CLMP: variants seen among roughly 807,000 people sequenced by gnomAD.
CLMP encodes CXADR like cell adhesion molecule, also known as CXADR-like membrane protein.
CLMP carries 27 observed loss-of-function variants against 45.2 expected under a neutral mutation model. The ratio of observed to expected loss-of-function variants is 0.60; its 90% CI spans 0.44 to 0.82. CLMP has a LOEUF of 0.82. Among genes scored for constraint, CLMP ranks in the 40% least tolerant of loss-of-function variants. The pLI, the probability that CLMP is intolerant of heterozygous loss-of-function variation, is 0.00. For missense variants in CLMP, 403 were observed against 448.4 expected, an observed-to-expected ratio of 0.90 and a Z score of 0.91; for synonymous variants, 167 against 171.4, an observed-to-expected ratio of 0.97 and a Z score of 0.20.
chr11:123,173,761 C>T (rs1170716126), intron 1 of CLMP, among the ~76,000 whole-genome samples: 2 of 152,032 alleles, frequency 1.3e-5, no homozygotes, highest in African/African-American at 2.4e-5. Context: ...TCCAGGATGC[C>T]GCACTCCTTC....
chr11:123,138,082 T>C (rs796136637), intron 1 of CLMP, among the ~76,000 whole-genome samples: 8 of 152,214 alleles, frequency 5.3e-5, no homozygotes, highest in African/African-American at 1.7e-4. Context: ...GCAGAAGCTC[T>C]GTCCTGGGCT....
intron 1 of CLMP, among the ~76,000 whole-genome samples, chr11:123,108,103 C>T (rs559184119): frequency 1.3e-4 from 20 of 152,196 alleles, no homozygotes; most frequent in African/African-American, 4.6e-4. Flanking sequence ...ACCACCTGTC[C>T]TCTCCGATCA....
chr11:123,118,933 C>CT (rs199537177), intron 1 of CLMP, among the ~76,000 whole-genome samples: 2,665 of 16,728 alleles, frequency 0.16, 51 homozygotes, highest in Non-Finnish European at 0.17. Context: ...CTTTTCTTTT[C>CT]TTTCTTTCTT....
At chr11:123,131,816 A>T (rs1039140023) in intron 1 of CLMP, among the ~76,000 whole-genome samples, 3 of 151,936 alleles carry the variant, frequency 2.0e-5, no homozygotes, top group African/African-American at 7.3e-5. Context: ...TGGTTTCACC[A>T]TGTTGGCCAG....
At chr11:123,093,094 G>C (rs1865952569) in intron 2 of CLMP, among the ~76,000 whole-genome samples, 1 of 151,578 alleles carries the variant, frequency 6.6e-6, no homozygotes, top group African/African-American at 2.4e-5. Flanking sequence ...TTTTAGTAGA[G>C]ACGGGGTTTC....
At chr11:123,194,872 C>T (rs1476945715) in intron 1 of CLMP, 41 bp downstream of exon 1, 1 of 1,612,142 alleles carries the variant, frequency 6.2e-7, no homozygotes, top group Non-Finnish European at 8.5e-7. Flanking sequence ...GCTGCGTTTG[C>T]CCACGGCCAT....
intron 1 of CLMP, among the ~76,000 whole-genome samples, chr11:123,148,941 T>C (rs1467921611): frequency 6.6e-6 from 1 of 152,220 alleles, no homozygotes; most frequent in African/African-American, 2.4e-5. Flanking sequence ...ATGCTACCTC[T>C]ACCGTGTCAT....
intron 1 of CLMP, among the ~76,000 whole-genome samples, chr11:123,111,624 G>A (rs1229224600): frequency 3.3e-5 from 5 of 152,128 alleles, no homozygotes; most frequent in African/African-American, 1.2e-4. Context: ...TCACCTTTAA[G>A]GTAGTTATTC....
At chr11:123,161,803 G>T (rs79538794) in intron 1 of CLMP, among the ~76,000 whole-genome samples, 1 of 152,196 alleles carries the variant, frequency 6.6e-6, no homozygotes, top group Non-Finnish European at 1.5e-5. Flanking sequence ...ATCTGGTCAC[G>T]TATTACACAT....
At chr11:123,111,772 T>C (rs906482907) in intron 1 of CLMP, among the ~76,000 whole-genome samples, 2 of 152,110 alleles carry the variant, frequency 1.3e-5, no homozygotes, top group Non-Finnish European at 2.9e-5. Flanking sequence ...ATGGAAAAAA[T>C]GAAAATCTTA....
chr11:123,111,654 T>C (rs1359873933), intron 1 of CLMP, among the ~76,000 whole-genome samples: 4 of 152,208 alleles, frequency 2.6e-5, no homozygotes, highest in Admixed American at 6.5e-5. Context: ...AGGATTCTAA[T>C]GGACAAAGAA....
intron 1 of CLMP, among the ~76,000 whole-genome samples, chr11:123,133,757 G>A (rs547344253): frequency 6.6e-6 from 1 of 152,232 alleles, no homozygotes; most frequent in East Asian, 1.9e-4. Flanking sequence ...ACCTCCTTAT[G>A]CCCAGAGGAA....
At chr11:123,192,910 T>C (rs1465321012) in intron 1 of CLMP, 1 of 152,288 alleles carries the variant, frequency 6.6e-6, no homozygotes, top group Non-Finnish European at 1.5e-5. Flanking sequence ...GTTTTCTTTC[T>C]GCCTTTGCTG....
At position 123,096,972 on chromosome 11, in the gene CLMP, G is replaced by A. The variant is rs908470764; in HGVS notation, c.186+823C>T. On this transcript the variant is annotated intron_variant, in intron 2 of 6. Transcript: ENST00000448775. ...CAAGCGATCCTCCTGCTTCAGCCTC[G>A]TGAGAAGCTGGGACTATGGGCATGT... Among the ~76,000 whole-genome samples the A allele has an allele frequency of 5.3e-5, 8 of 151,970 alleles. No homozygotes were observed. In the South Asian group the frequency reaches 6.2e-4, roughly 12 times the overall value.
At chr11:123,098,661 G>A (rs1424764346) in intron 1 of CLMP, among the ~76,000 whole-genome samples, 1 of 150,114 alleles carries the variant, frequency 6.7e-6, no homozygotes, top group African/African-American at 2.5e-5. Flanking sequence ...TCAGGCTCCA[G>A]AGAAGCTAAG....
At chr11:123,173,532 A>G (rs12419041) in intron 1 of CLMP, among the ~76,000 whole-genome samples, 2,640 of 152,288 alleles carry the variant, frequency 0.017, 120 homozygotes, top group Admixed American at 0.092. Flanking sequence ...TTTAATGCAT[A>G]TGATCTCATC....
rs985515820 is a variant in CLMP, at chr11:123,117,292, A to G, written c.29-19340T>C. 2.0e-5 allele frequency among the ~76,000 whole-genome samples: 3 copies of G among 152,060 alleles called. No individual in the cohort carries two copies. In the South Asian group the frequency reaches 6.2e-4, roughly 31 times the overall value. ...ATCCTACAAAGCAAAATTTTGCCTC[A>G]TTTTACAGAGTAAAACCTGAGACTT... On this transcript the variant is annotated intron_variant, in intron 1 of 6. Transcript: ENST00000448775.
At chr11:123,124,407 C>G (rs1265482717) in intron 1 of CLMP, among the ~76,000 whole-genome samples, 3 of 152,192 alleles carry the variant, frequency 2.0e-5, no homozygotes, top group Non-Finnish European at 4.4e-5. Flanking sequence ...CAAAACCCCT[C>G]TTAAATATCC....
intron 1 of CLMP, among the ~76,000 whole-genome samples, chr11:123,135,631 T>G (rs965453296): frequency 6.6e-6 from 1 of 152,214 alleles, no homozygotes; most frequent in African/African-American, 2.4e-5. Flanking sequence ...GCATATTTCT[T>G]TTCTCTGCAT....
Sources: allele counts gnomAD v4.1 joint callset (sites outside exome capture counted in the v4.1 genomes callset), GRCh38; gene constraint gnomAD v4.1.1; transcripts MANE v1.5; gene names NCBI Gene and HGNC (gene_info 2026-07-23, HGNC 2026-07-21).